GALNTL6: variants seen among roughly 807,000 people sequenced by gnomAD.
GALNTL6 encodes the protein polypeptide N-acetylgalactosaminyltransferase-like 6.
In GALNTL6, 46 loss-of-function variants were observed where a neutral mutation model predicts 73.7. The observed-to-expected ratio is 0.62, with a 90% CI of 0.49 to 0.80. The LOEUF (loss-of-function observed/expected upper bound fraction) is 0.80, where lower values mean the gene tolerates loss of function less well. Among genes scored for constraint, GALNTL6 ranks in the 30% least tolerant of loss-of-function variants. GALNTL6 has a pLI of 0.00. For synonymous variants in GALNTL6, 259 were observed against 263.7 expected, an observed-to-expected ratio of 0.98 and a Z score of 0.17; for missense variants, 604 against 755.0, an observed-to-expected ratio of 0.80 and a Z score of 2.34.
intron 2 of GALNTL6, among the ~76,000 whole-genome samples, chr4:172,163,864 G>C (rs962945049): frequency 2.6e-5 from 4 of 152,034 alleles, no homozygotes; most frequent in Admixed American, 2.6e-4. Flanking sequence ...AGGTACACGT[G>C]TCTATTTAAA....
chr4:172,363,229 A>G (rs1578995780), intron 5 of GALNTL6, among the ~76,000 whole-genome samples: 1 of 152,080 alleles, frequency 6.6e-6, no homozygotes, highest in Admixed American at 6.6e-5. Context: ...TGTTTTCACT[A>G]TCTGAAATGT....
At chr4:172,765,377 A>G (rs1738349404) in intron 5 of GALNTL6, among the ~76,000 whole-genome samples, 2 of 152,172 alleles carry the variant, frequency 1.3e-5, no homozygotes, top group East Asian at 3.9e-4. Flanking sequence ...TTTAGAGGAA[A>G]ATTACTATAT....
chr4:172,170,511 T>TG (rs1734779187), intron 2 of GALNTL6, among the ~76,000 whole-genome samples: 1 of 136,768 alleles, frequency 7.3e-6, no homozygotes, highest in Non-Finnish European at 1.5e-5. Context: ...TTTGGTGGTT[T>TG]TTTTTTTTTT....
chr4:172,878,825 C>T (rs528847532), intron 7 of GALNTL6, among the ~76,000 whole-genome samples: 5 of 151,894 alleles, frequency 3.3e-5, no homozygotes, highest in African/African-American at 1.2e-4. Flanking sequence ...ATCCAGTTGA[C>T]ATGCAAGATG....
intron 2 of GALNTL6, among the ~76,000 whole-genome samples, chr4:171,874,059 T>C (rs1262448714): frequency 6.6e-6 from 1 of 152,220 alleles, no homozygotes; most frequent in Non-Finnish European, 1.5e-5. Context: ...CACTGTTTTT[T>C]AGTTTCTGTC....
intron 2 of GALNTL6, among the ~76,000 whole-genome samples, chr4:172,060,485 G>A (rs1273940211): frequency 1.3e-5 from 2 of 151,668 alleles, no homozygotes; most frequent in African/African-American, 4.8e-5. Context: ...ATTTTAACAT[G>A]TTCAGTTGAT....
rs1741096843 is a variant in GALNTL6, at chr4:172,808,344, A to G, written c.554-1017A>G. The stretch of plus-strand genomic sequence containing the variant: ...AGCAGGAAGGAATCACAAATCCTAC[A>G]TGAACCCCTACTGCTACAGATCATG... On this transcript the variant is annotated intron_variant, in intron 5 of 12. Coordinates refer to ENST00000506823, the MANE Select transcript of GALNTL6 (RefSeq NM_001034845.3). Among the ~76,000 whole-genome samples the G allele has an allele frequency of 2.0e-5, 3 of 152,262 alleles. No homozygotes were observed. In the South Asian group the frequency reaches 6.2e-4, roughly 32 times the overall value.
chr4:172,943,405 G>A (rs1413149807), intron 9 of GALNTL6, among the ~76,000 whole-genome samples: 1 of 152,200 alleles, frequency 6.6e-6, no homozygotes, highest in Non-Finnish European at 1.5e-5. Context: ...GATCCGGATT[G>A]TACAGCCTAT....
chr4:172,379,075 A>G (rs1743159300), intron 5 of GALNTL6, among the ~76,000 whole-genome samples: 1 of 152,216 alleles, frequency 6.6e-6, no homozygotes, highest in Non-Finnish European at 1.5e-5. Context: ...AAATGGTCAC[A>G]AGCTTTTTCT....
intron 5 of GALNTL6, among the ~76,000 whole-genome samples, chr4:172,468,872 A>C (rs960955921): frequency 6.6e-6 from 1 of 152,234 alleles, no homozygotes; most frequent in Non-Finnish European, 1.5e-5. Flanking sequence ...CTAACATATT[A>C]GAGTTACAAC....
intron 2 of GALNTL6, among the ~76,000 whole-genome samples, chr4:171,885,883 T>C (rs1006789550): frequency 6.6e-6 from 1 of 152,224 alleles, no homozygotes; most frequent in African/African-American, 2.4e-5. Context: ...TCATTTTATA[T>C]TCTTCTGAGA....
intron 2 of GALNTL6, among the ~76,000 whole-genome samples, chr4:171,931,106 A>C (rs1454298353): frequency 6.6e-6 from 1 of 152,196 alleles, no homozygotes; most frequent in African/African-American, 2.4e-5. Flanking sequence ...ATTCATAAAG[A>C]ATTTCTCCAG....
intron 2 of GALNTL6, among the ~76,000 whole-genome samples, chr4:172,178,322 A>G (rs1202583035): frequency 6.6e-6 from 1 of 152,190 alleles, no homozygotes; most frequent in Non-Finnish European, 1.5e-5. Context: ...GTTCTGGGAT[A>G]CATGTGCAGA....
chr4:172,133,159 C>A (rs915559763), intron 2 of GALNTL6, among the ~76,000 whole-genome samples: 1 of 152,190 alleles, frequency 6.6e-6, no homozygotes, highest in Admixed American at 6.5e-5. Context: ...TCCATTAGAT[C>A]GTTAGTTAAG....
chr4:172,605,712 AT>A (rs1232445316), intron 5 of GALNTL6, among the ~76,000 whole-genome samples: 1 of 152,016 alleles, frequency 6.6e-6, no homozygotes, highest in Non-Finnish European at 1.5e-5. Context: ...AATGATGCAG[AT>A]TTTTTCACCC....
chr4:172,890,303 T>C (rs1286634760), intron 8 of GALNTL6, among the ~76,000 whole-genome samples: 2 of 152,186 alleles, frequency 1.3e-5, no homozygotes, highest in African/African-American at 4.8e-5. Flanking sequence ...ATTTTGGGGT[T>C]GGAGTGTTTT....
intron 2 of GALNTL6, among the ~76,000 whole-genome samples, chr4:171,858,894 A>G (rs867303343): frequency 5.3e-5 from 8 of 152,268 alleles, no homozygotes; most frequent in Middle Eastern, 6.8e-3. Flanking sequence ...GTTAGTACTA[A>G]ATAAGATAGC....
chr4:172,739,859 G>T (rs1736700099), intron 5 of GALNTL6, among the ~76,000 whole-genome samples: 1 of 151,666 alleles, frequency 6.6e-6, no homozygotes, highest in Non-Finnish European at 1.5e-5. Flanking sequence ...CTCTCAGTGG[G>T]GGAAAAGTTG....
At chr4:171,859,475 C>A (rs1448053237) in intron 2 of GALNTL6, among the ~76,000 whole-genome samples, 1 of 152,000 alleles carries the variant, frequency 6.6e-6, no homozygotes, top group Non-Finnish European at 1.5e-5. Context: ...TGTGTGGACT[C>A]CCCAAGATTA....
Sources: allele counts gnomAD v4.1 joint callset (sites outside exome capture counted in the v4.1 genomes callset), GRCh38; gene constraint gnomAD v4.1.1; transcripts MANE v1.5; gene names NCBI Gene and HGNC (gene_info 2026-07-23, HGNC 2026-07-21).